The following CCBE1 variants were observed in gnomAD, a reference collection of about 807,000 sequenced individuals.
CCBE1 encodes the protein collagen and calcium binding EGF domains 1, also known as collagen and calcium-binding EGF domain-containing protein 1.
In CCBE1, 37 loss-of-function variants were observed where a neutral mutation model predicts 50.0. The observed-to-expected ratio is 0.74, with a 90% confidence interval of 0.57 to 0.97. The LOEUF is 0.97. Ranked by LOEUF, CCBE1 falls within the 50% of genes least tolerant of loss-of-function variation. CCBE1 has a pLI of 0.00. For synonymous variants in CCBE1, 234 were observed against 203.7 expected (o/e 1.15, Z -1.27); for missense variants, 538 against 523.8 (o/e 1.03, Z -0.26).
At chr18:59,472,632 G>A (rs12456271) in intron 3 of CCBE1, among the ~76,000 whole-genome samples, 35,763 of 152,096 alleles carry the variant, frequency 0.24, 5,036 homozygotes, top group African/African-American at 0.37. Context: ...TACCAGCACC[G>A]CGCCCAGCCT....
intron 2 of CCBE1, among the ~76,000 whole-genome samples, chr18:59,599,394 G>T (rs934741428): frequency 6.6e-6 from 1 of 152,252 alleles, no homozygotes; most frequent in South Asian, 2.1e-4. Flanking sequence ...CAGGCATCTA[G>T]AATTAATGTA....
chr18:59,504,905 G>A (rs1396021764), intron 2 of CCBE1, among the ~76,000 whole-genome samples: 1 of 152,204 alleles, frequency 6.6e-6, no homozygotes, highest in East Asian at 1.9e-4. Context: ...GAAGGTCACA[G>A]GTAGCAAATC....
rs527533918 is a variant in CCBE1 at position 59,452,363 on chromosome 18, C to T, written c.654+2488G>A. ...ATCCCAGGCCTTTGGGAGGCCGAGG[C>T]GGGTGGATGATGAGGTCAGGAGTTC... On this transcript the variant is annotated intron_variant, in intron 6 of 10. Coordinates refer to ENST00000439986, the MANE Select transcript of CCBE1 (RefSeq NM_133459.4). Among the ~76,000 whole-genome samples the T allele has an allele frequency of 3.6e-4, 55 of 152,198 alleles. No individual in the cohort carries two copies. The East Asian group carries it at 7.7e-3, about 21-fold the overall frequency.
At chr18:59,600,848 C>T (rs1053774309) in intron 2 of CCBE1, among the ~76,000 whole-genome samples, 6 of 152,010 alleles carry the variant, frequency 3.9e-5, no homozygotes, top group Non-Finnish European at 7.4e-5. Context: ...AACCAATCTT[C>T]CTTCAAGAAG....
intron 2 of CCBE1, among the ~76,000 whole-genome samples, chr18:59,580,063 G>T (rs2053059479): frequency 6.6e-6 from 1 of 152,134 alleles, no homozygotes. Flanking sequence ...TGGGTCTAAG[G>T]GTAAAGGCAG....
At chr18:59,642,847 G>A (rs2054007791) in intron 2 of CCBE1, among the ~76,000 whole-genome samples, 1 of 151,356 alleles carries the variant, frequency 6.6e-6, no homozygotes, top group Non-Finnish European at 1.5e-5. Flanking sequence ...TATTCGGGAG[G>A]CTGAGGCAGG....
At chr18:59,593,123 T>C (rs2053298250) in intron 2 of CCBE1, among the ~76,000 whole-genome samples, 1 of 152,200 alleles carries the variant, frequency 6.6e-6, no homozygotes, top group Non-Finnish European at 1.5e-5. Flanking sequence ...AAAAGTTATA[T>C]TTATTGTCCT....
chr18:59,566,491 T>G (rs990070050), intron 2 of CCBE1, among the ~76,000 whole-genome samples: 1 of 152,192 alleles, frequency 6.6e-6, no homozygotes. Context: ...TACCATGACA[T>G]GAAACAACTG....
At chr18:59,660,931 A>G (rs372172144) in intron 2 of CCBE1, among the ~76,000 whole-genome samples, 219 of 152,288 alleles carry the variant, frequency 1.4e-3, no homozygotes, top group African/African-American at 5.0e-3. Context: ...CAAAGGGAAA[A>G]TGTATAAATA....
Position 59,456,095 on chromosome 18 carries a change from A to G in CCBE1, c.554-1144T>C, listed in dbSNP as rs1483003813. Reference sequence around the variant, plus strand: ...AAATGTTCCATGAAGCCTGCTCTCTACCCACGGAAGTCTGAAAATCAGGCA... The same window carrying G: ...AAATGTTCCATGAAGCCTGCTCTCTGCCCACGGAAGTCTGAAAATCAGGCA... On this transcript the variant is annotated intron_variant, in intron 5 of 10. Transcript: ENST00000439986. 3.9e-5 allele frequency among the ~76,000 whole-genome samples: 6 copies of G among 151,962 alleles called. No homozygotes were observed. The East Asian group carries it at 1.2e-3, about 29-fold the overall frequency.
chr18:59,634,427 A>G (rs1268053752), intron 2 of CCBE1, among the ~76,000 whole-genome samples: 1 of 152,244 alleles, frequency 6.6e-6, no homozygotes, highest in African/African-American at 2.4e-5. Context: ...GTGGTCTCAG[A>G]AGGCACTTCC....
intron 2 of CCBE1, among the ~76,000 whole-genome samples, chr18:59,554,674 G>A (rs2144426566): frequency 6.6e-6 from 1 of 152,360 alleles, no homozygotes; most frequent in African/African-American, 2.4e-5. Context: ...TCAAAAGGCA[G>A]ATCTGTTGAA....
At chr18:59,635,180 A>G (rs1350560043) in intron 2 of CCBE1, among the ~76,000 whole-genome samples, 1 of 152,248 alleles carries the variant, frequency 6.6e-6, no homozygotes, top group Non-Finnish European at 1.5e-5. Context: ...TGCAGCTACA[A>G]ATGGAGGCCA....
At chr18:59,513,305 A>G (rs1267366924) in intron 2 of CCBE1, among the ~76,000 whole-genome samples, 1 of 105,150 alleles carries the variant, frequency 9.5e-6, no homozygotes, top group Non-Finnish European at 1.8e-5. Context: ...GACTGTCTCA[A>G]AAAAACAAAA....
In CCBE1 at chr18:59,448,046, C is replaced by T. The variant is rs1284080707; in HGVS notation, c.712G>A (p.Val238Met). The change falls in exon 7 of 11, where the codon GTG becomes ATG. Residue 238 changes from valine (V) to methionine (M), a missense_variant. Val to Met is a conservative substitution (Grantham distance 21, BLOSUM62 1). Transcript: ENST00000439986. The stretch of plus-strand genomic sequence containing the variant: ...GGAAGGTAGGTGTTTGAGGCCAGCA[C>T]CTTGTCACCAGTGATATACTTGCCC... ...DLGKYITGDK[V>M]LASNTYLPGP... 1 of 1,614,028 alleles carries T rather than the reference C, an allele frequency of 6.2e-7. No individual in the cohort carries two copies. The highest frequency in any genetic ancestry group is 8.5e-7 in the Non-Finnish European group (1 of 1,180,048).
At chr18:59,683,572 C>A (rs1490355565) in intron 2 of CCBE1, among the ~76,000 whole-genome samples, 5 of 152,126 alleles carry the variant, frequency 3.3e-5, no homozygotes, top group African/African-American at 1.2e-4. Context: ...GTGGCGCACG[C>A]CTGTAATCCC....
intron 2 of CCBE1, among the ~76,000 whole-genome samples, chr18:59,556,171 C>T (rs1226119424): frequency 6.6e-6 from 1 of 152,200 alleles, no homozygotes; most frequent in African/African-American, 2.4e-5. Flanking sequence ...GCTGACCTAC[C>T]TGCTGTGGCA....
At position 59,438,154 on chromosome 18, in the gene CCBE1, CAG is replaced by C; in HGVS notation, c.952-10_952-9del. The C allele has an allele frequency of 6.2e-7, 1 of 1,614,102 alleles. No individual in the cohort carries two copies. Among genetic ancestry groups the C allele is most frequent in the South Asian group, 1.1e-5 (1 of 91,052 alleles). On this transcript the variant is annotated splice_polypyrimidine_tract_variant and intron_variant, in intron 9 of 10. Coordinates refer to ENST00000439986, the MANE Select transcript of CCBE1 (RefSeq NM_133459.4). ...AGGCGCTCCTCTCTCCCCCTAAAAA[CAG>C]AAAGGCCAGGGTTAGCTTTCTAGAG...
chr18:59,634,963 G>A (rs1004313412), intron 2 of CCBE1, among the ~76,000 whole-genome samples: 4 of 152,094 alleles, frequency 2.6e-5, no homozygotes, highest in African/African-American at 9.7e-5. Context: ...AAACCCAAGA[G>A]AAAGAAGAAA....
Sources: allele counts gnomAD v4.1 joint callset (sites outside exome capture counted in the v4.1 genomes callset), GRCh38; gene constraint gnomAD v4.1.1; transcripts MANE v1.5; gene names NCBI Gene and HGNC (gene_info 2026-07-23, HGNC 2026-07-21).